EDRF1: variants seen among roughly 807,000 people sequenced by gnomAD.
EDRF1 encodes erythroid differentiation-related factor 1.
A neutral mutation model predicts 148.7 loss-of-function variants in EDRF1; 69 were observed. That is an observed-to-expected ratio of 0.46 (90% CI 0.38 to 0.57). The LOEUF (loss-of-function observed/expected upper bound fraction) is 0.57. Among genes scored for constraint, EDRF1 ranks in the 20% least tolerant of loss-of-function variants. The pLI is 0.00. For synonymous variants in EDRF1, 515 were observed against 532.8 expected (o/e 0.97, Z 0.46); for missense variants, 1,118 against 1,478.7 (o/e 0.76, Z 4.00).
rs895049241 is a variant in EDRF1, at chr10:125,743,028, C to T, written c.2372-30C>T. 16 of 1,609,732 alleles carry T rather than the reference C, an allele frequency of 9.9e-6. 1 individual carries two copies. The highest frequency in any genetic ancestry group is 2.0e-4 in the Middle Eastern group (1 of 5,054). ...CTGAGGAAGAAGGAATCACATGATT[C>T]GCATTGATGTATCCCTTTTTTCTTT... On this transcript the variant is annotated intron_variant, in intron 17 of 24. Coordinates refer to ENST00000356792, the MANE Select transcript of EDRF1 (RefSeq NM_001202438.2).
At chr10:125,753,002 T>C in intron 23 of EDRF1, 88 bp downstream of exon 23, 1 of 899,798 alleles carries the variant, frequency 1.1e-6, no homozygotes, top group Non-Finnish European at 1.8e-6. Context: ...TGTATGTGTG[T>C]GGGTATATAT....
At position 125,741,190 on chromosome 10, in the gene EDRF1, C is replaced by A. The variant is rs775201672; in HGVS notation, c.2360C>A (p.Ser787Tyr). The A allele has an allele frequency of 1.2e-6, 2 of 1,614,184 alleles. No individual in the cohort carries two copies. The highest frequency in any genetic ancestry group is 2.2e-5 in the South Asian group (2 of 91,078). Residue 787 changes from serine to tyrosine, a missense_variant, in exon 17 of 25, where the codon TCC becomes TAC. Around this residue, in one of 3 missense-constraint regions of EDRF1, gnomAD observed 954 missense variants for 1,241.4 expected, o/e 0.77. Transcript: ENST00000356792. ...ATCCTGCATAGCCTTCACAGAGAGT[C>A]CAGTTGCCAAGGTGTGCCACAGGCT... ...QEILHSLHRE[S>Y]SCQGFAWATD... is the part of the protein sequence containing the mutation.
chr10:125,738,436 T>C lies in EDRF1; in HGVS notation c.1972T>C (p.Leu658=). 6.2e-7 allele frequency: 1 copy of C among 1,614,086 alleles called. No individual in the cohort carries two copies. Among genetic ancestry groups the C allele is most frequent in the East Asian group, 2.2e-5 (1 of 44,878 alleles). ...EGLEKQMALF[L]DKMGSLQKGN... ...GCTAGAGAAGCAGATGGCCTTGTTT[T>C]TGGACAAAAGTAAGTTGAATTGATG... The change falls in exon 15 of 25, where the codon TTG becomes CTG. Residue 658 remains leucine (L), a synonymous_variant. Transcript: ENST00000356792.
chr10:125,759,373 T>C (rs1850078494), intron 24 of EDRF1, among the ~76,000 whole-genome samples: 1 of 152,196 alleles, frequency 6.6e-6, no homozygotes, highest in Non-Finnish European at 1.5e-5. Flanking sequence ...GCCCCACCTC[T>C]CTCATGGATT....
chr10:125,719,877 C>T lies in EDRF1; in HGVS notation c.70C>T (p.Leu24Phe). Residue 24 changes from leucine to phenylalanine, a missense_variant, in exon 1 of 25, where the codon CTC (leucine) becomes TTC (phenylalanine). By Grantham distance (22) the Leu-to-Phe change is conservative. Transcript: ENST00000356792. The stretch of plus-strand genomic sequence containing the variant: ...GGCCGCCGCTCGAGGAGGGCTCAGC[C>T]TCCTGTCCCAGGGAGAATCCGAGGA... ...AGAAARGGLS[L>F]LSQGESEESS... is the part of the protein sequence containing the mutation. 1.9e-6 allele frequency: 3 copies of T among 1,613,208 alleles called. No individual in the cohort carries two copies. The highest frequency in any genetic ancestry group is 1.1e-5 in the South Asian group (1 of 91,052).
chr10:125,723,647 G>A (rs1050803209), intron 3 of EDRF1, among the ~76,000 whole-genome samples, 164 bp from the exon 4 acceptor site: 11 of 152,104 alleles, frequency 7.2e-5, no homozygotes, highest in East Asian at 1.9e-4. Context: ...TGAAAGCTCC[G>A]TCCTCTGTGT....
intron 12 of EDRF1, 137 bp from the exon 13 acceptor site, chr10:125,735,507 A>G (rs1848680583): frequency 9.8e-6 from 8 of 817,030 alleles, no homozygotes; most frequent in South Asian, 8.3e-5. Context: ...AACTGGGAAC[A>G]TTTCTGTGTG....
rs557699984 is a variant in EDRF1, at chr10:125,728,777, A to C, written c.793-226A>C. ...GAAAGTTTAGAATAATCTTTAATCT[A>C]TCTCTCTTGAGTAAGATCTAAATGT... On this transcript the variant is annotated intron_variant, in intron 6 of 24. Transcript: ENST00000356792. Among the ~76,000 whole-genome samples, 5 of 152,370 alleles carry C rather than the reference A, an allele frequency of 3.3e-5. No homozygotes were observed. The South Asian group carries it at 6.2e-4, about 19-fold the overall frequency.
chr10:125,733,916 G>A (rs1033432246), intron 11 of EDRF1, among the ~76,000 whole-genome samples, 156 bp from the exon 12 acceptor site: 8 of 152,216 alleles, frequency 5.3e-5, no homozygotes, highest in African/African-American at 1.9e-4. Context: ...TGCCACCATA[G>A]TATAAACGTT....
Position 125,734,189 on chromosome 10 carries a change from A to AAGG in EDRF1, c.1497+6_1497+7insAGG. The AAGG allele has an allele frequency of 6.4e-7, 1 of 1,574,586 alleles. No individual in the cohort carries two copies. The highest frequency in any genetic ancestry group is 8.7e-7 in the Non-Finnish European group (1 of 1,144,448). On this transcript the variant is annotated splice_region_variant and intron_variant, in intron 12 of 24. Transcript: ENST00000356792. ...ACAAAAGTAGGCATCCTCAAGTAAG[A>AAGG]TTAACATTTATGTATTCTCTAAAAC...
At chr10:125,730,960 G>A (rs1165744478) in intron 9 of EDRF1, among the ~76,000 whole-genome samples, 4 of 152,076 alleles carry the variant, frequency 2.6e-5, no homozygotes, top group Non-Finnish European at 2.9e-5. Context: ...CCTGGGCAAC[G>A]TAGTGAGACC....
intron 4 of EDRF1, 152 bp from the exon 5 acceptor site, chr10:125,725,166 G>A (rs1446185252): frequency 4.3e-6 from 4 of 931,942 alleles, no homozygotes; most frequent in Non-Finnish European, 6.4e-6. Context: ...AAGAAAGGTG[G>A]TATGAATTGA....
intron 2 of EDRF1, among the ~76,000 whole-genome samples, chr10:125,722,311 CACA>C (rs1374696353): frequency 3.3e-5 from 5 of 152,182 alleles, no homozygotes; most frequent in Non-Finnish European, 5.9e-5. Context: ...ATTTAATTCT[CACA>C]ACAACTCTTT....
In EDRF1 at chr10:125,752,817, G is replaced by A. The variant is rs1445435086; in HGVS notation, c.3296G>A (p.Gly1099Glu). Residue 1099 changes from glycine to glutamate, a missense_variant, in exon 23 of 25, where the codon GGA becomes GAA. Gly to Glu is a moderately conservative substitution (Grantham distance 98). Coordinates refer to ENST00000356792, the MANE Select transcript of EDRF1 (RefSeq NM_001202438.2). ...FQMTSQNSNV[G>E]KLKTLSGALD... is the part of the protein sequence containing the mutation. ...ACTTTAGGTCAGAATAGCAATGTTG[G>A]AAAGTTGAAAACACTATCTGGGGCT... 3 of 1,613,534 alleles carry A rather than the reference G, an allele frequency of 1.9e-6. No homozygotes were observed. Among genetic ancestry groups the A allele is most frequent in the East Asian group, 2.2e-5 (1 of 44,838 alleles).
rs555258382 is a variant in EDRF1, at chr10:125,763,250, C to T, written c.3546-51C>T. ...CCGGTTTTCTGGACCTCTGAATTGT[C>T]GGTAGGCATTGCTGGTCCCTTACCT... is the stretch of plus-strand genomic sequence containing the variant. On this transcript the variant is annotated intron_variant, in intron 24 of 24. Transcript: ENST00000356792. The surrounding 1 kb of genome is among the most constrained non-coding windows in gnomAD (Gnocchi z 4.3). The T allele has an allele frequency of 1.1e-5, 17 of 1,551,848 alleles. No homozygotes were observed. The East Asian group carries it at 2.7e-4, about 25-fold the overall frequency.
At chr10:125,726,941 A>T (rs1454787222) in intron 6 of EDRF1, among the ~76,000 whole-genome samples, 2 of 151,952 alleles carry the variant, frequency 1.3e-5, no homozygotes, top group East Asian at 3.9e-4. Context: ...TACTGTGAAA[A>T]CTCTTGGAGA....
intron 19 of EDRF1, 146 bp downstream of exon 19, chr10:125,746,076 C>T (rs1849339936): frequency 1.4e-6 from 1 of 730,498 alleles, no homozygotes. Flanking sequence ...AAAACACTTG[C>T]AACCTGGCCT....
intron 9 of EDRF1, among the ~76,000 whole-genome samples, chr10:125,731,660 T>C (rs1427786198): frequency 6.6e-6 from 1 of 152,048 alleles, no homozygotes; most frequent in Non-Finnish European, 1.5e-5. Flanking sequence ...AATTTAGAGA[T>C]AGCATATAGG....
Position 125,743,148 on chromosome 10 carries a change from A to G in EDRF1, c.2462A>G (p.Gln821Arg). Residue 821 changes from glutamine (Q) to arginine (R), a missense_variant, in exon 18 of 25, where the codon CAG (glutamine) becomes CGG (arginine). Physicochemically the swap from Gln to Arg is conservative, Grantham distance 43. This residue lies in a region of EDRF1 where 954 missense variants were observed against 1,241.4 expected (regional missense o/e 0.77). Transcript: ENST00000356792. ...TATGAGGCTGCTAATGAAATCTTGC[A>G]GTTTAGTGACTTGAAAAGCCAAAAT... ...KCYEAANEIL[Q>R]FSDLKSQNPE... 1 of 1,614,016 alleles carries G rather than the reference A, an allele frequency of 6.2e-7. No individual in the cohort carries two copies. The highest frequency in any genetic ancestry group is 1.1e-5 in the South Asian group (1 of 91,086).
Sources: gnomAD v4.1 joint callset for allele counts (sites outside exome capture counted in the v4.1 genomes callset) on GRCh38, gnomAD v4.1.1 for gene constraint, gnomAD v4.1.1 regional missense constraint, Gnocchi (gnomAD v3.1) non-coding constraint, MANE v1.5 for transcripts, NCBI Gene and HGNC (gene_info 2026-07-23, HGNC 2026-07-21) for gene names.